Variants in PACRG observed in about 807,000 individuals in gnomAD.
PACRG encodes the protein parkin coregulated.
Under a neutral mutation model 29.7 loss-of-function variants are expected in PACRG, and 29 were observed. The ratio of observed to expected loss-of-function variants is 0.98; its 90% confidence interval spans 0.73 to 1.33. The LOEUF (loss-of-function observed/expected upper bound fraction) is 1.33, where lower values mean the gene tolerates loss of function less well. Ranked by LOEUF, PACRG falls within the 40% of genes most tolerant of loss-of-function variation. The pLI, the probability that PACRG is intolerant of heterozygous loss-of-function variation, is 0.00. For missense variants in PACRG, 279 were observed against 316.2 expected, an observed-to-expected ratio of 0.88 and a Z score of 0.89; for synonymous variants, 116 against 118.7, an observed-to-expected ratio of 0.98 and a Z score of 0.15.
chr6:163,003,805 C>A (rs765324242), intron 2 of PACRG, among the ~76,000 whole-genome samples: 4 of 152,142 alleles, frequency 2.6e-5, no homozygotes, highest in Non-Finnish European at 4.4e-5. Flanking sequence ...TAGCCTTAAT[C>A]CTCTCGATAA....
intron 4 of PACRG, chr6:163,111,985 T>C: frequency 2.3e-6 from 2 of 866,164 alleles, no homozygotes; most frequent in Non-Finnish European, 2.8e-6. Context: ...CAAATTTTAT[T>C]TTCTGATAAT....
At chr6:163,166,404 G>T in intron 4 of PACRG, 1 of 325,632 alleles carries the variant, frequency 3.1e-6, no homozygotes, top group South Asian at 2.5e-5. Context: ...AAGTAGACGA[G>T]GGGCAGATTA....
intron 2 of PACRG, among the ~76,000 whole-genome samples, chr6:162,938,659 T>C (rs960943111): frequency 6.6e-6 from 1 of 152,204 alleles, no homozygotes. Flanking sequence ...CATCCCAACA[T>C]CTATTATTTT....
chr6:163,170,411 G>A (rs998277304), intron 4 of PACRG: 3 of 152,120 alleles, frequency 2.0e-5, no homozygotes, highest in Admixed American at 2.0e-4. Flanking sequence ...CACCCCTGCT[G>A]AACATCAGAT....
At chr6:163,312,134 C>T (rs1785444795) in intron 4 of PACRG, among the ~76,000 whole-genome samples, 1 of 152,202 alleles carries the variant, frequency 6.6e-6, no homozygotes, top group African/African-American at 2.4e-5. Context: ...GGGCTCTGTC[C>T]TATGCAAACA....
intron 4 of PACRG, among the ~76,000 whole-genome samples, chr6:163,307,301 C>A (rs1261380140): frequency 6.6e-6 from 1 of 152,172 alleles, no homozygotes; most frequent in Non-Finnish European, 1.5e-5. Flanking sequence ...AGTGACCCAG[C>A]CTTCGGTGTC....
At chr6:162,850,614 CGGAATAGCTCAGCA>C (rs1215142650) in intron 2 of PACRG, among the ~76,000 whole-genome samples, 5 of 152,128 alleles carry the variant, frequency 3.3e-5, no homozygotes, top group African/African-American at 1.2e-4. Flanking sequence ...TCAGGGAGCT[CGGAATAGCTCAGCA>C]TGTGTAGGTT....
At chr6:163,257,467 T>A (rs949481247) in intron 4 of PACRG, among the ~76,000 whole-genome samples, 1 of 152,222 alleles carries the variant, frequency 6.6e-6, no homozygotes, top group Non-Finnish European at 1.5e-5. Flanking sequence ...GAAGGAGCCG[T>A]TATTCAGAAG....
At chr6:163,210,251 A>C (rs536456893) in intron 4 of PACRG, among the ~76,000 whole-genome samples, 3 of 152,352 alleles carry the variant, frequency 2.0e-5, no homozygotes, top group African/African-American at 7.2e-5. Flanking sequence ...ACCCAAATAT[A>C]TTCCTTCTAA....
chr6:163,249,400 A>G (rs556162139), intron 4 of PACRG, among the ~76,000 whole-genome samples: 1 of 152,348 alleles, frequency 6.6e-6, no homozygotes, highest in African/African-American at 2.4e-5. Context: ...TTCATTTGTT[A>G]CATTTATTTG....
chr6:163,021,182 T>C lies in PACRG; in HGVS notation c.292-40968T>C, dbSNP rs529066177. 2.0e-5 allele frequency among the ~76,000 whole-genome samples: 3 copies of C among 152,312 alleles called. No individual in the cohort carries two copies. The South Asian group carries it at 6.2e-4, about 32-fold the overall frequency. On this transcript the variant is annotated intron_variant, in intron 2 of 4. Coordinates refer to ENST00000366888, the MANE Select transcript of PACRG (RefSeq NM_001080379.2). ...CTCCCGGGCACCAGCACTCCACTTC[T>C]GTGTGCACAGTAGCCACTGCAAAGC...
chr6:163,178,826 C>G (rs748149134), intron 4 of PACRG, among the ~76,000 whole-genome samples: 1 of 152,164 alleles, frequency 6.6e-6, no homozygotes, highest in African/African-American at 2.4e-5. Context: ...ATCTGGCATT[C>G]TGTAGGCACT....
intron 4 of PACRG, among the ~76,000 whole-genome samples, chr6:163,214,785 C>G (rs184178971): frequency 2.6e-4 from 40 of 152,124 alleles, no homozygotes; most frequent in African/African-American, 9.6e-4. Context: ...TCATTTAACA[C>G]TGTTGGCTGC....
At chr6:163,015,015 A>C (rs1336007585) in intron 2 of PACRG, among the ~76,000 whole-genome samples, 1 of 152,158 alleles carries the variant, frequency 6.6e-6, no homozygotes, top group African/African-American at 2.4e-5. Context: ...ATCTTGAGTT[A>C]ATTTTTTTGT....
chr6:163,080,110 G>A (rs911969374), intron 3 of PACRG, among the ~76,000 whole-genome samples: 2 of 151,808 alleles, frequency 1.3e-5, no homozygotes, highest in Non-Finnish European at 2.9e-5. Flanking sequence ...GTGTTAGCCA[G>A]GATGGTCTCG....
chr6:163,272,992 C>T lies in PACRG; in HGVS notation c.614-41835C>T, dbSNP rs527384595. ...CTGCAAGCTCCGCCTCCCGGGTTCA[C>T]GCCATTCTCCTGCCTCAGCCTCCCA... is the stretch of plus-strand genomic sequence containing the variant. On this transcript the variant is annotated intron_variant, in intron 4 of 4. Transcript: ENST00000366888. Among the ~76,000 whole-genome samples, 12 of 139,614 alleles carry T rather than the reference C, an allele frequency of 8.6e-5. No homozygotes were observed. The South Asian group carries it at 2.5e-3, about 29-fold the overall frequency. 91.6% of individuals were successfully genotyped at this position (139,614 alleles called of 152,430 possible). A position where few individuals can be genotyped will look rare whatever the true frequency, so the allele number is the denominator to read the frequency against.
At chr6:163,188,270 C>G (rs1160840943) in intron 4 of PACRG, among the ~76,000 whole-genome samples, 2 of 152,162 alleles carry the variant, frequency 1.3e-5, no homozygotes, top group Non-Finnish European at 2.9e-5. Context: ...CATCTTTTAC[C>G]AAATGTTTAG....
chr6:163,058,695 G>C (rs973838124), intron 2 of PACRG, among the ~76,000 whole-genome samples: 1 of 152,172 alleles, frequency 6.6e-6, no homozygotes, highest in African/African-American at 2.4e-5. Context: ...AGGAGATCGA[G>C]ACCCTCCTGG....
At chr6:162,976,225 T>C (rs1284091999) in intron 2 of PACRG, among the ~76,000 whole-genome samples, 9 of 152,178 alleles carry the variant, frequency 5.9e-5, no homozygotes, top group African/African-American at 1.9e-4. Context: ...AAAACTTAAA[T>C]TGTAAGTTTG....
Sources: gnomAD v4.1 joint callset for allele counts (sites outside exome capture counted in the v4.1 genomes callset) on GRCh38, gnomAD v4.1.1 for gene constraint, MANE v1.5 for transcripts, NCBI Gene and HGNC (gene_info 2026-07-23, HGNC 2026-07-21) for gene names.